The following WDHD1 variants were observed in gnomAD, a reference collection of about 807,000 sequenced individuals.
WDHD1 encodes the protein WD repeat and HMG-box DNA binding protein 1, also known as WD repeat and HMG-box DNA-binding protein 1.
WDHD1 carries 111 observed loss-of-function variants against 135.4 expected under a neutral mutation model. The observed-to-expected ratio is 0.82, with a 90% CI of 0.70 to 0.96. WDHD1 has a LOEUF of 0.96. Among genes scored for constraint, WDHD1 ranks in the 40% least tolerant of loss-of-function variants. The probability of loss-of-function intolerance (pLI) is 0.00; values close to 1 mark genes in which losing one functional copy is unlikely to be tolerated. For missense variants in WDHD1, 1,351 were observed against 1,336.3 expected (o/e 1.01, Z -0.17); for synonymous variants, 434 against 439.0 (o/e 0.99, Z 0.14).
intron 7 of WDHD1, among the ~76,000 whole-genome samples, chr14:55,003,898 C>G (rs1326302145): frequency 2.0e-5 from 3 of 152,132 alleles, no homozygotes; most frequent in Non-Finnish European, 4.4e-5. Flanking sequence ...ACTGTCTGCT[C>G]ATGTCTTTGC....
intron 16 of WDHD1, among the ~76,000 whole-genome samples, chr14:54,974,551 G>A (rs756605614): frequency 6.0e-5 from 9 of 150,686 alleles, no homozygotes; most frequent in South Asian, 2.1e-4. Context: ...ATAATCAGGC[G>A]TGGTGGCTCA....
Position 54,941,287 on chromosome 14 carries a change from G to C in WDHD1, c.*203C>G. 1 of 414,078 alleles carries C rather than the reference G, an allele frequency of 2.4e-6. No individual in the cohort carries two copies. Among genetic ancestry groups the C allele is most frequent in the East Asian group, 3.9e-5 (1 of 25,750 alleles). The allele number at this position is 414,078 out of a possible 1,614,324, so 25.7% of individuals were successfully genotyped here. On this transcript the variant is annotated 3_prime_UTR_variant, in exon 26 of 26. Transcript: ENST00000360586. ...ATCTCTGAAAGGCCCTGCATTTGGAGGCAGAGTAATCTGCAAAGATGATAG... is the reference window on the plus strand; with the variant it reads ...ATCTCTGAAAGGCCCTGCATTTGGACGCAGAGTAATCTGCAAAGATGATAG...
intron 16 of WDHD1, among the ~76,000 whole-genome samples, chr14:54,977,896 T>C (rs1760034439): frequency 2.5e-5 from 3 of 120,242 alleles, no homozygotes; most frequent in Non-Finnish European, 5.2e-5. Flanking sequence ...AAAAATGTGT[T>C]CCAAAGGGTT....
At chr14:54,972,672 A>G (rs1202351585) in intron 16 of WDHD1, among the ~76,000 whole-genome samples, 1 of 151,430 alleles carries the variant, frequency 6.6e-6, no homozygotes, top group Non-Finnish European at 1.5e-5. Context: ...AAAGAGAAAA[A>G]AATCAGGCAT....
chr14:54,950,251 G>C (rs888894560), intron 24 of WDHD1, among the ~76,000 whole-genome samples: 41 of 152,148 alleles, frequency 2.7e-4, no homozygotes, highest in African/African-American at 6.0e-4. Context: ...GGAGACCCAT[G>C]TCATGTGCAG....
chr14:54,991,215 T>TTA lies in WDHD1; in HGVS notation c.1338_1339insTA (p.Met447Ter). On this transcript the variant is annotated frameshift_variant, in exon 12 of 26. Transcript: ENST00000360586. LOFTEE classifies it high-confidence loss of function. ...TTAAGTGTAGATCCAAGTCTTACCATGAATCTGTGAGTGAGATGCAACGGT... is the reference window on the plus strand; with the variant it reads ...TTAAGTGTAGATCCAAGTCTTACCATTAGAATCTGTGAGTGAGATGCAACGGT... 6.7e-7 allele frequency: 1 copy of TTA among 1,494,004 alleles called. No homozygotes were observed. Among genetic ancestry groups the TTA allele is most frequent in the Non-Finnish European group, 9.1e-7 (1 of 1,098,646 alleles). The allele number at this position is 1,494,004 out of a possible 1,614,324, so 92.5% of individuals were successfully genotyped here.
intron 24 of WDHD1, 77 bp downstream of exon 24, chr14:54,955,484 C>G: frequency 7.4e-7 from 1 of 1,343,128 alleles, no homozygotes; most frequent in Non-Finnish European, 9.7e-7. Flanking sequence ...GGAATAACAG[C>G]ATTGCATAAT....
At position 54,969,343 on chromosome 14, in the gene WDHD1, GAAAAAA is replaced by G. The variant is rs141857558; in HGVS notation, c.2064-1955_2064-1950del. ...GCCCAGCATTAAGACTCCGTTTCAA[GAAAAAA>G]AAAAAAAAAAGAGAGAGAGAAAGAG... On this transcript the variant is annotated intron_variant, in intron 16 of 25. Transcript: ENST00000360586. 2.5e-5 allele frequency among the ~76,000 whole-genome samples: 3 copies of G among 119,552 alleles called. No homozygotes were observed. In the East Asian group the frequency reaches 8.9e-4, roughly 35 times the overall value. 78.4% of individuals were successfully genotyped at this position (119,552 alleles called of 152,430 possible).
intron 24 of WDHD1, 103 bp from the exon 25 acceptor site, chr14:54,944,573 T>C (rs1178224851): frequency 1.5e-5 from 17 of 1,127,492 alleles, no homozygotes; most frequent in African/African-American, 1.6e-5. Flanking sequence ...ACATCTATTA[T>C]ATAAAGTAAG....
At chr14:54,982,449 C>A (rs1181478724) in intron 15 of WDHD1, among the ~76,000 whole-genome samples, 1 of 152,168 alleles carries the variant, frequency 6.6e-6, no homozygotes, top group African/African-American at 2.4e-5. Context: ...TTCTTCCTCT[C>A]TCTTCTTTTT....
chr14:54,980,820 A>AC, intron 16 of WDHD1, among the ~76,000 whole-genome samples: 1 of 150,006 alleles, frequency 6.7e-6, no homozygotes. Flanking sequence ...AAAAAAAAAA[A>AC]AAAAACTCAG....
At chr14:54,955,895 CTTTTT>C (rs71131243) in intron 23 of WDHD1, among the ~76,000 whole-genome samples, 2 of 110,090 alleles carry the variant, frequency 1.8e-5, no homozygotes, top group African/African-American at 7.3e-5. Context: ...CCATGTTTTC[CTTTTT>C]TTTTTTTTTT....
intron 1 of WDHD1, 70 bp from the exon 2 acceptor site, chr14:55,026,873 G>A: frequency 1.3e-6 from 2 of 1,495,442 alleles, no homozygotes; most frequent in Non-Finnish European, 1.9e-6. Context: ...GGGATAGGAA[G>A]AGAGCTTAGT....
intron 16 of WDHD1, among the ~76,000 whole-genome samples, chr14:54,971,712 C>CAAAAAAA (rs1195129802): frequency 2.4e-5 from 1 of 42,272 alleles, no homozygotes; most frequent in Admixed American, 3.3e-4. Flanking sequence ...GACTCTGCCT[C>CAAAAAAA]AAAAAAAAAA....
At chr14:54,967,642 A>C (rs2041366722) in intron 16 of WDHD1, among the ~76,000 whole-genome samples, 1 of 152,054 alleles carries the variant, frequency 6.6e-6, no homozygotes, top group African/African-American at 2.4e-5. Flanking sequence ...TTTTTTTGAG[A>C]CAGGGTCTCA....
At chr14:54,959,149 C>T (rs527554435) in intron 21 of WDHD1, among the ~76,000 whole-genome samples, 31 of 151,914 alleles carry the variant, frequency 2.0e-4, no homozygotes, top group Admixed American at 1.1e-3. Context: ...GGAGGGAGGA[C>T]TGCTTGAGCC....
intron 5 of WDHD1, 61 bp downstream of exon 5, chr14:55,008,547 A>G: frequency 2.7e-6 from 4 of 1,499,992 alleles, no homozygotes; most frequent in South Asian, 1.2e-5. Flanking sequence ...GAGAGTTAGT[A>G]GGAAATATAT....
intron 15 of WDHD1, among the ~76,000 whole-genome samples, chr14:54,983,955 T>C (rs1157363290): frequency 6.6e-6 from 1 of 152,172 alleles, no homozygotes; most frequent in African/African-American, 2.4e-5. Flanking sequence ...TCTTTTTTCA[T>C]GCTAAGTCTT....
At chr14:54,975,980 C>T (rs1182956905) in intron 16 of WDHD1, among the ~76,000 whole-genome samples, 1 of 152,142 alleles carries the variant, frequency 6.6e-6, no homozygotes, top group Non-Finnish European at 1.5e-5. Context: ...TAAGTCACTT[C>T]ATCTTCACAG....
Sources: gnomAD v4.1 joint callset for allele counts (sites outside exome capture counted in the v4.1 genomes callset) on GRCh38, gnomAD v4.1.1 for gene constraint, MANE v1.5 for transcripts, NCBI Gene and HGNC (gene_info 2026-07-23, HGNC 2026-07-21) for gene names.